The following CUBN variants were observed in gnomAD, a reference collection of about 807,000 sequenced individuals.
CUBN encodes cubilin, also known as 460 kDa receptor.
A neutral mutation model predicts 405.3 loss-of-function variants in CUBN; 282 were observed. The observed-to-expected ratio is 0.70, with a 90% CI of 0.63 to 0.77. CUBN has a LOEUF of 0.77. Ranked by LOEUF, CUBN falls within the 30% of genes least tolerant of loss-of-function variation. The probability of loss-of-function intolerance (pLI) is 0.00; values close to 1 mark genes in which losing one functional copy is unlikely to be tolerated. For synonymous variants in CUBN, 1,684 were observed against 1,617.0 expected (o/e 1.04, Z -0.99); for missense variants, 4,514 against 4,475.2 (o/e 1.01, Z -0.25).
chr10:17,095,488 C>A (rs1199838480), intron 14 of CUBN, among the ~76,000 whole-genome samples: 3 of 151,926 alleles, frequency 2.0e-5, no homozygotes, highest in Non-Finnish European at 4.4e-5. Flanking sequence ...AAATGGTCAA[C>A]AAATATATGA....
intron 22 of CUBN, among the ~76,000 whole-genome samples, chr10:17,048,677 C>A (rs1835193289): frequency 6.6e-6 from 1 of 152,094 alleles, no homozygotes; most frequent in African/African-American, 2.4e-5. Context: ...CCAATTGCAT[C>A]CAGCCATAAC....
chr10:17,045,163 T>A lies in CUBN; in HGVS notation c.3516A>T (p.Ser1172=). The A allele has an allele frequency of 6.2e-7, 1 of 1,613,776 alleles. No homozygotes were observed. Among genetic ancestry groups the A allele is most frequent in the Non-Finnish European group, 8.5e-7 (1 of 1,179,896 alleles). Reference sequence around the variant, plus strand: ...AGTTGGGAGATATGAACGTGCCGCTTGAAGTGGTGAGATTACCCCCGCAAC... The same window carrying A: ...AGTTGGGAGATATGAACGTGCCGCTAGAAGTGGTGAGATTACCCCCGCAAC... ...STGCGGNLTT[S]SGTFISPNYP... Residue 1172 remains serine, a synonymous_variant, in exon 25 of 67, where the codon TCA becomes TCT. Coordinates refer to ENST00000377833, the MANE Select transcript of CUBN (RefSeq NM_001081.4).
At chr10:17,115,393 T>C (rs1254251818) in intron 7 of CUBN, 78 bp downstream of exon 7, 1 of 1,580,716 alleles carries the variant, frequency 6.3e-7, no homozygotes, top group Non-Finnish European at 8.7e-7. Flanking sequence ...GTAGTGCTTG[T>C]ATGCAGTGGG....
At chr10:17,048,688 C>A (rs199697796) in intron 22 of CUBN, among the ~76,000 whole-genome samples, 2 of 152,062 alleles carry the variant, frequency 1.3e-5, no homozygotes, top group East Asian at 3.9e-4. Flanking sequence ...CAGCCATAAC[C>A]TAAATCTAGG....
chr10:16,836,280 C>T lies in CUBN; in HGVS notation c.10135G>A (p.Val3379Ile). ...STAMVIFKSG[V>I]VNRNSRMSFT... ...CTCATTCTAGAGTTTCTGTTTACAA[C>T]TCCAGATTTGAAAATGACCATTGCA... The change falls in exon 63 of 67, where the codon GTT becomes ATT. Residue 3379 changes from valine (V) to isoleucine (I), a missense_variant. Around this residue, in one of 5 missense-constraint regions of CUBN, gnomAD observed 1,186 missense variants for 1,186.9 expected, o/e 1.00. Coordinates refer to ENST00000377833, the MANE Select transcript of CUBN (RefSeq NM_001081.4). 2.5e-6 allele frequency: 4 copies of T among 1,613,996 alleles called. No individual in the cohort carries two copies. The highest frequency in any genetic ancestry group is 3.4e-6 in the Non-Finnish European group (4 of 1,179,860).
intron 62 of CUBN, among the ~76,000 whole-genome samples, chr10:16,840,123 A>G (rs553550479): frequency 1.3e-5 from 2 of 151,872 alleles, no homozygotes; most frequent in African/African-American, 4.8e-5. Context: ...ACCTAATGTT[A>G]AATGACGAGT....
At chr10:17,063,062 C>G (rs536186712) in intron 22 of CUBN, among the ~76,000 whole-genome samples, 1 of 152,278 alleles carries the variant, frequency 6.6e-6, no homozygotes, top group South Asian at 2.1e-4. Context: ...ACTAGCCCAC[C>G]ACCTGGTGTC....
intron 6 of CUBN, among the ~76,000 whole-genome samples, chr10:17,117,568 T>C (rs1836934482): frequency 1.3e-5 from 2 of 152,124 alleles, no homozygotes; most frequent in Admixed American, 1.3e-4. Flanking sequence ...TTAGTAGAGA[T>C]GGGTTTTCAC....
rs758063508 is a variant in CUBN at position 17,092,619 on chromosome 10, T to C, written c.1766-4274A>G. Among the ~76,000 whole-genome samples the C allele has an allele frequency of 1.3e-5, 2 of 152,186 alleles. 1 individual carries two copies. The highest frequency in any genetic ancestry group is 4.1e-4 in the South Asian group (2 of 4,836). ...CTCACTGCTCACTATATGCTAATTA[T>C]AGTGCATTAGCATGCTAAAAGACAC... On this transcript the variant is annotated intron_variant, in intron 14 of 66. Coordinates refer to ENST00000377833, the MANE Select transcript of CUBN (RefSeq NM_001081.4).
At chr10:16,832,633 G>C (rs1446996293) in intron 64 of CUBN, among the ~76,000 whole-genome samples, 1 of 152,178 alleles carries the variant, frequency 6.6e-6, no homozygotes, top group Non-Finnish European at 1.5e-5. Flanking sequence ...GGAGCAGCAG[G>C]ATACTAATTT....
In CUBN at chr10:16,835,459, G is replaced by A. The variant is rs186537544; in HGVS notation, c.10181-264C>T. The stretch of plus-strand genomic sequence containing the variant: ...CACAGGAGGCTTCTCCTTTAAAGAC[G>A]AATACTCGAGCATCCTTTGAACTTT... On this transcript the variant is annotated intron_variant, in intron 63 of 66. Coordinates refer to ENST00000377833, the MANE Select transcript of CUBN (RefSeq NM_001081.4). Among the ~76,000 whole-genome samples the A allele has an allele frequency of 5.8e-4, 88 of 152,264 alleles. 2 individuals are homozygous for A. In the East Asian group the frequency reaches 0.014, roughly 24 times the overall value.
intron 8 of CUBN, 35 bp downstream of exon 8, chr10:17,113,992 C>T (rs1300330822): frequency 6.2e-7 from 1 of 1,605,672 alleles, no homozygotes; most frequent in Non-Finnish European, 8.5e-7. Flanking sequence ...GCCAACCTGG[C>T]ATGCAGAGCC....
chr10:16,890,496 G>A lies in CUBN; in HGVS notation c.8630C>T (p.Ala2877Val), dbSNP rs747544636. The part of the protein sequence containing the change: ...VWAGTEEVDK[A>V]LLATGCGNVA... ...GTTCCCACAGCCAGTGGCTAGCAGGGCTTTGTCCACCTCCTCAGTTCCTGC... is the reference window on the plus strand; with the variant it reads ...GTTCCCACAGCCAGTGGCTAGCAGGACTTTGTCCACCTCCTCAGTTCCTGC... Residue 2877 changes from alanine (A) to valine (V), a missense_variant, in exon 55 of 67, where the codon GCC becomes GTC. By Grantham distance (64) the Ala-to-Val change is moderately conservative (BLOSUM62 0). This residue lies in a region of CUBN where 1,186 missense variants were observed against 1,186.9 expected (regional missense o/e 1.00). Coordinates refer to ENST00000377833, the MANE Select transcript of CUBN (RefSeq NM_001081.4). The A allele has an allele frequency of 1.9e-6, 3 of 1,614,118 alleles. No homozygotes were observed. The highest frequency in any genetic ancestry group is 1.1e-5 in the South Asian group (1 of 91,062).
chr10:17,068,139 T>C lies in CUBN; in HGVS notation c.2933A>G (p.His978Arg), dbSNP rs768127408. ...HLIHLMFETF[H>R]LEFHYNCTND... ...TGTGCAATTGTAATGAAACTCCAGA[T>C]GAAATGTTTCGAACATTAAATGAAT... The change falls in exon 21 of 67, where the codon CAT becomes CGT. Residue 978 changes from histidine to arginine, a missense_variant. Around this residue, in one of 5 missense-constraint regions of CUBN, gnomAD observed 1,448 missense variants for 1,388.0 expected, o/e 1.04. Transcript: ENST00000377833. 9.3e-6 allele frequency: 15 copies of C among 1,613,594 alleles called. No homozygotes were observed. The highest frequency in any genetic ancestry group is 3.3e-5 in the South Asian group (3 of 91,078).
At chr10:17,100,326 T>C (rs1327128724) in intron 13 of CUBN, 87 bp from the exon 14 acceptor site, 3 of 861,438 alleles carry the variant, frequency 3.5e-6, no homozygotes, top group Non-Finnish European at 5.8e-6. Flanking sequence ...GCATTCATAC[T>C]GAGGCACTTT....
chr10:17,076,011 G>T (rs1564505394), intron 17 of CUBN, among the ~76,000 whole-genome samples: 1 of 152,108 alleles, frequency 6.6e-6, no homozygotes, highest in Non-Finnish European at 1.5e-5. Flanking sequence ...TTATCTTCCT[G>T]CTCTCTAATC....
Position 17,103,114 on chromosome 10 carries a change from A to C in CUBN, c.1530+11T>G, listed in dbSNP as rs1228424736. 3 of 1,497,938 alleles carry C rather than the reference A, an allele frequency of 2.0e-6. No individual in the cohort carries two copies. Among genetic ancestry groups the C allele is most frequent in the Non-Finnish European group, 2.8e-6 (3 of 1,074,036 alleles). The allele number at this position is 1,497,938 out of a possible 1,614,324, so 92.8% of individuals were successfully genotyped here. On this transcript the variant is annotated intron_variant, in intron 13 of 66. Coordinates refer to ENST00000377833, the MANE Select transcript of CUBN (RefSeq NM_001081.4). ...TATAATATGCATTTGGGCAAGAGTT[A>C]CTACATTTACCTTTCCCATTTCAGT...
intron 23 of CUBN, 141 bp from the exon 24 acceptor site, chr10:17,046,235 TA>T (rs1564493161): frequency 2.1e-5 from 15 of 703,676 alleles, no homozygotes; most frequent in Non-Finnish European, 2.4e-5. Context: ...ACACTTACTC[TA>T]AAAAACACGA....
intron 27 of CUBN, among the ~76,000 whole-genome samples, chr10:17,026,830 T>C (rs1252764375): frequency 2.0e-5 from 3 of 152,102 alleles, no homozygotes; most frequent in African/African-American, 4.8e-5. Context: ...CTAAGTCCCC[T>C]CCATAAGGCA....
Sources: allele counts gnomAD v4.1 joint callset (sites outside exome capture counted in the v4.1 genomes callset), GRCh38; gene constraint gnomAD v4.1.1; regional missense constraint gnomAD v4.1.1; transcripts MANE v1.5; gene names NCBI Gene and HGNC (gene_info 2026-07-23, HGNC 2026-07-21).